PCDHGB7: variants seen among roughly 807,000 people sequenced by gnomAD.
The protein encoded by PCDHGB7 is protocadherin gamma-B7.
Under a neutral mutation model 61.4 loss-of-function variants are expected in PCDHGB7, and 37 were observed. The ratio of observed to expected loss-of-function variants is 0.60; its 90% CI spans 0.46 to 0.79. The LOEUF is 0.79. Among genes scored for constraint, PCDHGB7 ranks in the 30% least tolerant of loss-of-function variants. The pLI, the probability that PCDHGB7 is intolerant of heterozygous loss-of-function variation, is 0.00. For synonymous variants in PCDHGB7, 464 were observed against 503.5 expected, an observed-to-expected ratio of 0.92 and a Z score of 1.05; for missense variants, 1,166 against 1,202.5, an observed-to-expected ratio of 0.97 and a Z score of 0.45.
At chr5:141,421,060 A>C (rs1394861719) in intron 1 of PCDHGB7, 3 of 579,718 alleles carry the variant, frequency 5.2e-6, no homozygotes, top group Non-Finnish European at 8.8e-6. Context: ...TACCACACAA[A>C]GCGGAATGAG....
At position 141,423,009 on chromosome 5, in the gene PCDHGB7, G is replaced by A. The variant is rs371209178; in HGVS notation, c.2415+2735G>A. 28 of 1,614,222 alleles carry A rather than the reference G, an allele frequency of 1.7e-5. No individual in the cohort carries two copies. The East Asian group carries it at 4.9e-4, about 28-fold the overall frequency. On this transcript the variant is annotated intron_variant, in intron 1 of 3. Transcript: ENST00000398594. ...GCTACCTGGTGACCAAGGTGGTTGC[G>A]GTGGACAAAGATTCAGGCCAGAACG...
chr5:141,431,513 C>G lies in PCDHGB7; in HGVS notation c.2415+11239C>G. ...TCAGCCCGAGTACCGCGCGAGCGTT[C>G]CGGAGAATCTGGCCTTGGGCACGCA... On this transcript the variant is annotated intron_variant, in intron 1 of 3. Transcript: ENST00000398594. The surrounding 1 kb of genome is among the most constrained non-coding windows in gnomAD (Gnocchi z 4.8). 6.2e-7 allele frequency: 1 copy of G among 1,614,022 alleles called. No homozygotes were observed. Among genetic ancestry groups the G allele is most frequent in the South Asian group, 1.1e-5 (1 of 91,088 alleles).
chr5:141,432,227 T>C lies in PCDHGB7; in HGVS notation c.2415+11953T>C, dbSNP rs1046414550. On this transcript the variant is annotated intron_variant, in intron 1 of 3. Coordinates refer to ENST00000398594, the MANE Select transcript of PCDHGB7 (RefSeq NM_018927.4). This position sits in a 1 kb window ranked among gnomAD's most constrained non-coding sequence, Gnocchi z 6.0. ...TGAAGAGAACGCCCAGATCACTTATTCCCTGGCTGAGAACACCATCCAAGG... is the reference window on the plus strand; with the variant it reads ...TGAAGAGAACGCCCAGATCACTTATCCCCTGGCTGAGAACACCATCCAAGG... 1.4e-5 allele frequency: 22 copies of C among 1,614,080 alleles called. No individual in the cohort carries two copies. The highest frequency in any genetic ancestry group is 1.8e-5 in the Non-Finnish European group (21 of 1,180,042).
intron 1 of PCDHGB7, chr5:141,478,520 G>C (rs1474701976): frequency 1.2e-6 from 2 of 1,610,510 alleles, no homozygotes; most frequent in East Asian, 4.5e-5. Context: ...GCAGGTGTTG[G>C]GTGCAGAGAG....
Position 141,477,691 on chromosome 5 carries a change from A to G in PCDHGB7, c.2416-17116A>G, listed in dbSNP as rs1315811441. 6.2e-7 allele frequency: 1 copy of G among 1,614,188 alleles called. No homozygotes were observed. Among genetic ancestry groups the G allele is most frequent in the South Asian group, 1.1e-5 (1 of 91,090 alleles). On this transcript the variant is annotated intron_variant, in intron 1 of 3. Coordinates refer to ENST00000398594, the MANE Select transcript of PCDHGB7 (RefSeq NM_018927.4). This position sits in a 1 kb window ranked among gnomAD's most constrained non-coding sequence, Gnocchi z 4.9. ...GCATAGTGTCATCCTTAGTGCCCCT[A>G]GACTATGAGGATCGGCGGGAATTTG...
rs1335693841 is a variant in PCDHGB7, at chr5:141,420,123, G to A, written c.2264G>A (p.Cys755Tyr). ...EGTLPYAYNF[C>Y]VPGDQMNPEF... ...ACGTTGCCCTATGCCTATAATTTTTGTGTGCCTGGGGATCAAATGAATCCA... is the reference window on the plus strand; with the variant it reads ...ACGTTGCCCTATGCCTATAATTTTTATGTGCCTGGGGATCAAATGAATCCA... Residue 755 changes from cysteine (C) to tyrosine (Y), a missense_variant, in exon 1 of 4, where the codon TGT (cysteine) becomes TAT (tyrosine). Cys to Tyr is a radical substitution (Grantham distance 194). Coordinates refer to ENST00000398594, the MANE Select transcript of PCDHGB7 (RefSeq NM_018927.4). 6.2e-7 allele frequency: 1 copy of A among 1,613,968 alleles called. No homozygotes were observed. Among genetic ancestry groups the A allele is most frequent in the Non-Finnish European group, 8.5e-7 (1 of 1,179,864 alleles).
intron 1 of PCDHGB7, among the ~76,000 whole-genome samples, chr5:141,452,988 T>C (rs2098753680): frequency 6.6e-6 from 1 of 152,228 alleles, no homozygotes; most frequent in Admixed American, 6.5e-5. Context: ...AGTACTGTGC[T>C]GAAAAGTTAC....
In PCDHGB7 at chr5:141,419,415, C is replaced by A; in HGVS notation, c.1556C>A (p.Ala519Asp). The A allele has an allele frequency of 1.2e-6, 2 of 1,613,434 alleles. No homozygotes were observed. The highest frequency in any genetic ancestry group is 1.7e-6 in the Non-Finnish European group (2 of 1,179,884). The change falls in exon 1 of 4, where the codon GCC becomes GAC. Residue 519 changes from alanine (A) to aspartate (D), a missense_variant. Ala to Asp is a moderately radical substitution (Grantham distance 126). Coordinates refer to ENST00000398594, the MANE Select transcript of PCDHGB7 (RefSeq NM_018927.4). ...AQSGVVFAQR[A>D]FDHEQLRTFE... ...AGCGGGGTGGTGTTCGCGCAGCGCG[C>A]CTTCGACCACGAGCAGCTGCGCACC...
At chr5:141,423,094 C>CGCGTGCGT (rs2096708722) in intron 1 of PCDHGB7, 4 of 1,613,860 alleles carry the variant, frequency 2.5e-6, no homozygotes, top group African/African-American at 2.7e-5. Flanking sequence ...GGTGGGGGAG[C>CGCGTGCGT]ACACGGGCGA....
chr5:141,491,034 T>A lies in PCDHGB7; in HGVS notation c.2416-3773T>A. On this transcript the variant is annotated intron_variant, in intron 1 of 3. Coordinates refer to ENST00000398594, the MANE Select transcript of PCDHGB7 (RefSeq NM_018927.4). This position sits in a 1 kb window ranked among gnomAD's most constrained non-coding sequence, Gnocchi z 6.9. ...CCAAGGTGACAGCCGTGGATGCTGA[T>A]GCAGGCCACAATGCGTGGCTCTCCT... 1 of 1,614,170 alleles carries A rather than the reference T, an allele frequency of 6.2e-7. No individual in the cohort carries two copies. Among genetic ancestry groups the A allele is most frequent in the African/African-American group, 1.3e-5 (1 of 75,074 alleles).
intron 3 of PCDHGB7, among the ~76,000 whole-genome samples, chr5:141,509,398 G>A (rs1218925417): frequency 6.6e-6 from 1 of 152,106 alleles, no homozygotes; most frequent in Admixed American, 6.5e-5. Context: ...GGATCTCAGG[G>A]CCTCCAGCAG....
In PCDHGB7 at chr5:141,432,961, A is replaced by T. The variant is rs1457416543; in HGVS notation, c.2415+12687A>T. The T allele has an allele frequency of 1.5e-5, 25 of 1,613,952 alleles. 1 individual carries two copies. The South Asian group carries it at 2.3e-4, about 15-fold the overall frequency. ...AGGCTTCAGGAGGCGGCTTGACAGG[A>T]GCGCCGGCGTCGCACTTTGTGGGCG... On this transcript the variant is annotated intron_variant, in intron 1 of 3. Coordinates refer to ENST00000398594, the MANE Select transcript of PCDHGB7 (RefSeq NM_018927.4). This position sits in a 1 kb window ranked among gnomAD's most constrained non-coding sequence, Gnocchi z 6.0.
At position 141,477,626 on chromosome 5, in the gene PCDHGB7, G is replaced by A. The variant is rs201987467; in HGVS notation, c.2416-17181G>A. The A allele has an allele frequency of 1.9e-5, 31 of 1,614,052 alleles. No individual in the cohort carries two copies. The highest frequency in any genetic ancestry group is 2.5e-5 in the Non-Finnish European group (30 of 1,180,044). Reference sequence around the variant, plus strand: ...TCTCTTGGAGCAAGGAGCTGAAACCGGGCTAGTGGGTCGCTATTTCACAAT... The same window carrying A: ...TCTCTTGGAGCAAGGAGCTGAAACCAGGCTAGTGGGTCGCTATTTCACAAT... On this transcript the variant is annotated intron_variant, in intron 1 of 3. Transcript: ENST00000398594. This position sits in a 1 kb window ranked among gnomAD's most constrained non-coding sequence, Gnocchi z 4.9.
At position 141,486,923 on chromosome 5, in the gene PCDHGB7, G is replaced by A. The variant is rs1377159895; in HGVS notation, c.2416-7884G>A. ...ATGTCCCCAAGCACTGCCTCCATCAGTTGGTGCTGGCCACCTAATCACAAA... is the reference window on the plus strand; with the variant it reads ...ATGTCCCCAAGCACTGCCTCCATCAATTGGTGCTGGCCACCTAATCACAAA... On this transcript the variant is annotated intron_variant, in intron 1 of 3. Transcript: ENST00000398594. This position sits in a 1 kb window ranked among gnomAD's most constrained non-coding sequence, Gnocchi z 5.0. 6.2e-7 allele frequency: 1 copy of A among 1,614,252 alleles called. No individual in the cohort carries two copies. Among genetic ancestry groups the A allele is most frequent in the Admixed American group, 1.7e-5 (1 of 60,028 alleles).
chr5:141,500,340 C>T (rs188966393), intron 2 of PCDHGB7, among the ~76,000 whole-genome samples: 1 of 151,950 alleles, frequency 6.6e-6, no homozygotes, highest in East Asian at 1.9e-4. Flanking sequence ...TCCAGAATAG[C>T]TGGGACTACA....
At chr5:141,446,069 C>T (rs552817495) in intron 1 of PCDHGB7, among the ~76,000 whole-genome samples, 1 of 152,102 alleles carries the variant, frequency 6.6e-6, no homozygotes, top group South Asian at 2.1e-4. Flanking sequence ...AAAGGGGAGG[C>T]AGTGGATGTA....
At chr5:141,433,358 C>CCTATCTATCTAT (rs3074541) in intron 1 of PCDHGB7, 6,701 of 503,954 alleles carry the variant, frequency 0.013, 75 homozygotes, top group East Asian at 0.016. Context: ...CTACTGTCTG[C>CCTATCTATCTAT]CTATCTATCT....
intron 1 of PCDHGB7, chr5:141,478,676 G>A (rs540780497): frequency 6.4e-7 from 1 of 1,551,522 alleles, no homozygotes; most frequent in African/African-American, 1.4e-5. Flanking sequence ...CTTTCAACTG[G>A]CCCTTCCTAG....
Position 141,476,114 on chromosome 5 carries a change from G to A in PCDHGB7, c.2416-18693G>A. Reference sequence around the variant, plus strand: ...CCGCTGAGAGGAACTGCTTTTGAGTGAGATGGTCCCAGAGGCCTGGAGGAG... The same window carrying A: ...CCGCTGAGAGGAACTGCTTTTGAGTAAGATGGTCCCAGAGGCCTGGAGGAG... On this transcript the variant is annotated intron_variant, in intron 1 of 3. Coordinates refer to ENST00000398594, the MANE Select transcript of PCDHGB7 (RefSeq NM_018927.4). The surrounding 1 kb of genome is among the most constrained non-coding windows in gnomAD (Gnocchi z 7.6). 6.3e-7 allele frequency: 1 copy of A among 1,592,296 alleles called. No individual in the cohort carries two copies. The highest frequency in any genetic ancestry group is 8.5e-7 in the Non-Finnish European group (1 of 1,171,536).
Sources: gnomAD v4.1 joint callset for allele counts (sites outside exome capture counted in the v4.1 genomes callset) on GRCh38, gnomAD v4.1.1 for gene constraint, Gnocchi (gnomAD v3.1) non-coding constraint, MANE v1.5 for transcripts, NCBI Gene and HGNC (gene_info 2026-07-23, HGNC 2026-07-21) for gene names.